The following DRG1 variants were observed in gnomAD, a reference collection of about 807,000 sequenced individuals.
DRG1 encodes the protein developmentally regulated GTP binding protein 1, also known as developmentally-regulated GTP-binding protein 1.
DRG1 carries 19 observed loss-of-function variants against 38.8 expected under a neutral mutation model. The observed-to-expected ratio is 0.49, with a 90% CI of 0.34 to 0.72. The LOEUF is 0.72. DRG1 is among the 30% of genes least tolerant of loss of function. The pLI is 0.01. For synonymous variants in DRG1, 167 were observed against 157.5 expected, an observed-to-expected ratio of 1.06 and a Z score of -0.45; for missense variants, 299 against 444.8, an observed-to-expected ratio of 0.67 and a Z score of 2.95.
At chr22:31,411,513 A>T in intron 4 of DRG1, among the ~76,000 whole-genome samples, 1 of 150,322 alleles carries the variant, frequency 6.7e-6, no homozygotes, top group East Asian at 2.0e-4. Flanking sequence ...TGATACAGTT[A>T]AATTTTTCTG....
At chr22:31,425,440 C>CTTTT (rs34249543) in intron 6 of DRG1, among the ~76,000 whole-genome samples, 1 of 137,208 alleles carries the variant, frequency 7.3e-6, no homozygotes, top group Non-Finnish European at 1.6e-5. Context: ...TGATACATTA[C>CTTTT]TTTTTTTTTT....
intron 4 of DRG1, among the ~76,000 whole-genome samples, chr22:31,416,700 C>T (rs1337749896): frequency 5.3e-5 from 8 of 151,978 alleles, no homozygotes; most frequent in African/African-American, 1.4e-4. Flanking sequence ...ATGAAGAGAT[C>T]GAGACCATCC....
Position 31,399,718 on chromosome 22 carries a change from A to C in DRG1, c.35A>C (p.Glu12Ala). ...SSTLAKIAEIEAEMARTQKNK... is the reference protein window; with the variant it reads ...SSTLAKIAEIAAEMARTQKNK... ...ACCTTAGCTAAGATCGCGGAGATAG[A>C]AGCAGAGGTAATGGACGCAGCTGGC... The change falls in exon 1 of 9, where the codon GAA becomes GCA. Residue 12 changes from glutamate (E) to alanine (A), a missense_variant. By Grantham distance (107) the Glu-to-Ala change is moderately radical (BLOSUM62 -1). Coordinates refer to ENST00000331457, the MANE Select transcript of DRG1 (RefSeq NM_004147.4). 6.2e-7 allele frequency: 1 copy of C among 1,613,920 alleles called. No homozygotes were observed. The highest frequency in any genetic ancestry group is 8.5e-7 in the Non-Finnish European group (1 of 1,179,852).
intron 8 of DRG1, among the ~76,000 whole-genome samples, chr22:31,428,145 C>T (rs2050120906): frequency 6.6e-6 from 1 of 152,178 alleles, no homozygotes; most frequent in African/African-American, 2.4e-5. Context: ...AGCCACTATG[C>T]CCAGCATATT....
intron 1 of DRG1, 67 bp downstream of exon 1, chr22:31,399,792 C>T (rs2049950683): frequency 1.2e-6 from 2 of 1,611,176 alleles, no homozygotes; most frequent in Non-Finnish European, 1.7e-6. Flanking sequence ...TCGCTCCTTC[C>T]TGTTCTCCTT....
Position 31,418,718 on chromosome 22 carries a change from G to T in DRG1, c.413-1538G>T, listed in dbSNP as rs536299139. Among the ~76,000 whole-genome samples the T allele has an allele frequency of 1.2e-3, 175 of 151,974 alleles. 1 individual carries two copies. The highest frequency in any genetic ancestry group is 4.1e-3 in the African/African-American group (169 of 41,414). On this transcript the variant is annotated intron_variant, in intron 4 of 8. Transcript: ENST00000331457. The stretch of plus-strand genomic sequence containing the variant: ...ATTTTTGTAGATGGATTCTCGCTCT[G>T]TTGCCCAGGCTGGAGTGCAGTGGCG...
At chr22:31,416,988 C>T (rs1237434009) in intron 4 of DRG1, among the ~76,000 whole-genome samples, 1 of 151,360 alleles carries the variant, frequency 6.6e-6, no homozygotes, top group Non-Finnish European at 1.5e-5. Context: ...TCTCTTGAGC[C>T]CAGGAGGTCA....
At chr22:31,406,561 G>A (rs955282918) in intron 3 of DRG1, among the ~76,000 whole-genome samples, 1 of 151,660 alleles carries the variant, frequency 6.6e-6, no homozygotes, top group African/African-American at 2.4e-5. Flanking sequence ...TTTAATACCA[G>A]CTCCTAGGGA....
Position 31,420,231 on chromosome 22 carries a change from CGTAT to C in DRG1, c.413-22_413-19del, listed in dbSNP as rs764659097. ...GTTAAGGCTTTATTGAACTTTCTTG[CGTAT>C]GTTTTTTTCTTACTCTTCAGTGGCC... On this transcript the variant is annotated intron_variant, in intron 4 of 8. Transcript: ENST00000331457. 3 of 1,606,192 alleles carry C rather than the reference CGTAT, an allele frequency of 1.9e-6. No homozygotes were observed. The South Asian group carries it at 3.3e-5, about 18-fold the overall frequency.
intron 7 of DRG1, 24 bp from the exon 8 acceptor site, chr22:31,427,036 A>C: frequency 3.7e-6 from 6 of 1,613,180 alleles, no homozygotes; most frequent in Non-Finnish European, 5.1e-6. Context: ...GAAGGCAGTA[A>C]TCTTTATGCC....
chr22:31,402,175 A>G (rs1336653199), intron 2 of DRG1, among the ~76,000 whole-genome samples: 5 of 152,212 alleles, frequency 3.3e-5, no homozygotes, highest in African/African-American at 7.2e-5. Flanking sequence ...CGTAGGAAAA[A>G]TAAGTCGAAG....
intron 4 of DRG1, among the ~76,000 whole-genome samples, chr22:31,419,879 T>C (rs968130614): frequency 2.6e-5 from 4 of 152,124 alleles, no homozygotes; most frequent in Non-Finnish European, 4.4e-5. Flanking sequence ...AAACCTCGTC[T>C]CTACTAAAAT....
intron 5 of DRG1, among the ~76,000 whole-genome samples, chr22:31,422,363 G>A (rs1210420782): frequency 1.3e-5 from 2 of 152,172 alleles, no homozygotes; most frequent in Non-Finnish European, 2.9e-5. Context: ...CCCAGGAGGC[G>A]GAGGTTGCAG....
chr22:31,415,638 A>G (rs2050040750), intron 4 of DRG1, among the ~76,000 whole-genome samples: 1 of 152,174 alleles, frequency 6.6e-6, no homozygotes, highest in African/African-American at 2.4e-5. Context: ...CTGAGATTAC[A>G]GGTGTGAGCA....
Position 31,400,608 on chromosome 22 carries a change from C to T in DRG1, c.43-12C>T. ...CTGCTTCTAATTTATGGCTGTGATT[C>T]CTCCCTTTTAGATGGCTCGGACTCA... On this transcript the variant is annotated splice_polypyrimidine_tract_variant and intron_variant, in intron 1 of 8. Transcript: ENST00000331457. 2 of 1,610,518 alleles carry T rather than the reference C, an allele frequency of 1.2e-6. No individual in the cohort carries two copies. The highest frequency in any genetic ancestry group is 1.7e-4 in the Middle Eastern group (1 of 6,042).
At chr22:31,417,671 C>T (rs565408035) in intron 4 of DRG1, among the ~76,000 whole-genome samples, 1 of 151,270 alleles carries the variant, frequency 6.6e-6, no homozygotes, top group Admixed American at 6.6e-5. Context: ...CAGAGCAAGA[C>T]TCCATCTCAA....
At chr22:31,402,879 G>A (rs2049970873) in intron 2 of DRG1, 150 bp from the exon 3 acceptor site, 1 of 803,792 alleles carries the variant, frequency 1.2e-6, no homozygotes, top group Non-Finnish European at 1.9e-6. Flanking sequence ...CTCAAGTTTT[G>A]TGTGCTTTAG....
At position 31,403,127 on chromosome 22, in the gene DRG1, T is replaced by A; in HGVS notation, c.265T>A (p.Ser89Thr). 10 of 1,614,118 alleles carry A rather than the reference T, an allele frequency of 6.2e-6. No individual in the cohort carries two copies. The highest frequency in any genetic ancestry group is 8.5e-6 in the Non-Finnish European group (10 of 1,180,026). ...GCTTAGTAACCTGGCAGGGGTATAT[T>A]CTGAGGTGGCAGCCTATGAATTCAC... ...TLLSNLAGVYSEVAAYEFTTL... is the reference protein window; with the variant it reads ...TLLSNLAGVYTEVAAYEFTTL... Residue 89 changes from serine (S) to threonine (T), a missense_variant, in exon 3 of 9, where the codon TCT (serine) becomes ACT (threonine). Transcript: ENST00000331457.
intron 3 of DRG1, among the ~76,000 whole-genome samples, chr22:31,404,531 C>T (rs1015919069): frequency 1.3e-5 from 2 of 151,950 alleles, no homozygotes; most frequent in African/African-American, 4.8e-5. Flanking sequence ...TGAGCCACCG[C>T]GCCTGGTCTC....
Sources: allele counts gnomAD v4.1 joint callset (sites outside exome capture counted in the v4.1 genomes callset), GRCh38; gene constraint gnomAD v4.1.1; transcripts MANE v1.5; gene names NCBI Gene and HGNC (gene_info 2026-07-23, HGNC 2026-07-21).